Variants in WWC1 observed in about 807,000 individuals in gnomAD.
WWC1 encodes the protein WW and C2 domain containing 1.
A neutral mutation model predicts 138.4 loss-of-function variants in WWC1; 55 were observed. The observed-to-expected ratio is 0.40, with a 90% confidence interval of 0.32 to 0.50. The LOEUF is 0.50. Among genes scored for constraint, WWC1 ranks in the 20% least tolerant of loss-of-function variants. The pLI is 0.72. For missense variants in WWC1, 1,226 were observed against 1,420.4 expected (o/e 0.86, Z 2.20); for synonymous variants, 524 against 564.9 (o/e 0.93, Z 1.03).
At chr5:168,368,076 A>T (rs550725024) in intron 1 of WWC1, among the ~76,000 whole-genome samples, 1 of 149,870 alleles carries the variant, frequency 6.7e-6, no homozygotes, top group Non-Finnish European at 1.5e-5. Context: ...TTAGCAAAAT[A>T]AAGAACACTT....
intron 1 of WWC1, among the ~76,000 whole-genome samples, chr5:168,370,901 T>C (rs1267494589): frequency 1.3e-5 from 2 of 152,200 alleles, no homozygotes; most frequent in African/African-American, 4.8e-5. Flanking sequence ...TACTGCTCAT[T>C]GGCCAAACTC....
At chr5:168,417,553 C>T (rs982995445) in intron 9 of WWC1, among the ~76,000 whole-genome samples, 8 of 152,106 alleles carry the variant, frequency 5.3e-5, no homozygotes, top group Admixed American at 6.5e-5. Context: ...ATTAGAAGAC[C>T]ACAAGTTTGC....
chr5:168,387,989 G>T (rs1367858385), intron 3 of WWC1, among the ~76,000 whole-genome samples: 2 of 152,090 alleles, frequency 1.3e-5, no homozygotes, highest in African/African-American at 4.8e-5. Context: ...TTTGTATTTT[G>T]GGGGACAGGA....
At chr5:168,357,531 T>G (rs1775552935) in intron 1 of WWC1, among the ~76,000 whole-genome samples, 2 of 150,354 alleles carry the variant, frequency 1.3e-5, no homozygotes, top group African/African-American at 4.9e-5. Context: ...CATGCCAGGG[T>G]ATTGTGTTCC....
intron 11 of WWC1, among the ~76,000 whole-genome samples, chr5:168,426,477 G>C (rs1410346896): frequency 1.3e-5 from 2 of 152,194 alleles, no homozygotes; most frequent in Non-Finnish European, 2.9e-5. Context: ...TCTCGGGATG[G>C]CATTTCCTTC....
chr5:168,381,742 G>A (rs1194102402), intron 2 of WWC1, among the ~76,000 whole-genome samples: 9 of 150,334 alleles, frequency 6.0e-5, no homozygotes, highest in Middle Eastern at 3.4e-3. Flanking sequence ...TCGGGGGGTG[G>A]GGTGGGGTTC....
At chr5:168,302,757 G>A (rs771566854) in intron 1 of WWC1, among the ~76,000 whole-genome samples, 2 of 152,262 alleles carry the variant, frequency 1.3e-5, no homozygotes, top group Admixed American at 6.5e-5. Context: ...ATCTGGACAC[G>A]TTCAGTCATT....
At chr5:168,364,875 G>A (rs1776170068) in intron 1 of WWC1, among the ~76,000 whole-genome samples, 1 of 152,224 alleles carries the variant, frequency 6.6e-6, no homozygotes, top group East Asian at 1.9e-4. Flanking sequence ...GGTGCATCTC[G>A]CCCTCTAGAC....
chr5:168,433,893 G>A (rs1016424149), intron 15 of WWC1, among the ~76,000 whole-genome samples: 1 of 152,222 alleles, frequency 6.6e-6, no homozygotes, highest in Non-Finnish European at 1.5e-5. Flanking sequence ...TATTCCAGTG[G>A]AGAAACTGAG....
chr5:168,457,132 G>A (rs1179833250), intron 19 of WWC1, among the ~76,000 whole-genome samples: 2 of 130,460 alleles, frequency 1.5e-5, no homozygotes, highest in African/African-American at 3.0e-5. Context: ...TCCACAGGTA[G>A]AAAGGGCATT....
At chr5:168,339,874 TCCC>T (rs1773852719) in intron 1 of WWC1, among the ~76,000 whole-genome samples, 3 of 145,508 alleles carry the variant, frequency 2.1e-5, no homozygotes, top group Admixed American at 6.8e-5. Flanking sequence ...TCTCTCTCTC[TCCC>T]TCTCTCCCTC....
chr5:168,374,471 G>A (rs1777019928), intron 2 of WWC1, among the ~76,000 whole-genome samples: 1 of 152,130 alleles, frequency 6.6e-6, no homozygotes, highest in Non-Finnish European at 1.5e-5. Flanking sequence ...CAAATAGAAA[G>A]CATAGATAGA....
chr5:168,469,264 T>C lies in WWC1; in HGVS notation c.*247T>C. On this transcript the variant is annotated 3_prime_UTR_variant, in exon 23 of 23. Transcript: ENST00000265293. ...CCAGCATTAAAATAATAAGATTGTA[T>C]AGTTTGTATATTTAGGAGTGTATTT... is the stretch of plus-strand genomic sequence containing the variant. The C allele has an allele frequency of 1.9e-6, 1 of 522,198 alleles. No individual in the cohort carries two copies. Among genetic ancestry groups the C allele is most frequent in the Non-Finnish European group, 3.4e-6 (1 of 291,512 alleles). 32.3% of individuals were successfully genotyped at this position (522,198 alleles called of 1,614,324 possible).
chr5:168,321,534 C>CTTT (rs575822782), intron 1 of WWC1, among the ~76,000 whole-genome samples: 2 of 137,786 alleles, frequency 1.5e-5, no homozygotes, highest in Non-Finnish European at 1.6e-5. Context: ...GGGCAATATC[C>CTTT]TTTTTTTTTT....
chr5:168,319,417 A>AAAATAAAT (rs1357731134), intron 1 of WWC1, among the ~76,000 whole-genome samples: 1 of 152,158 alleles, frequency 6.6e-6, no homozygotes, highest in South Asian at 2.1e-4. Context: ...CTTCATCTCA[A>AAAATAAAT]AAATAAATAA....
intron 9 of WWC1, among the ~76,000 whole-genome samples, chr5:168,419,358 TG>T (rs34299180): frequency 0.56 from 85,100 of 151,996 alleles, 26,094 homozygotes; most frequent in African/African-American, 0.8. Context: ...AAACTGTGCC[TG>T]GCTTCATCTG....
chr5:168,324,005 A>C (rs1267971646), intron 1 of WWC1, among the ~76,000 whole-genome samples: 1 of 152,248 alleles, frequency 6.6e-6, no homozygotes, highest in African/African-American at 2.4e-5. Flanking sequence ...TGAAAGGGAA[A>C]AATACTGTCA....
chr5:168,338,894 A>T (rs1233276222), intron 1 of WWC1, among the ~76,000 whole-genome samples: 1 of 152,196 alleles, frequency 6.6e-6, no homozygotes, highest in Non-Finnish European at 1.5e-5. Context: ...GGAGGAATAC[A>T]TTCTAGTGTT....
At chr5:168,390,996 C>T (rs968488083) in intron 3 of WWC1, among the ~76,000 whole-genome samples, 2 of 152,230 alleles carry the variant, frequency 1.3e-5, no homozygotes, top group Non-Finnish European at 2.9e-5. Context: ...CCCAAAGGCA[C>T]ACTGGTAAAG....
Sources: allele counts gnomAD v4.1 joint callset (sites outside exome capture counted in the v4.1 genomes callset), GRCh38; gene constraint gnomAD v4.1.1; transcripts MANE v1.5; gene names NCBI Gene and HGNC (gene_info 2026-07-23, HGNC 2026-07-21).